USH2A: variants seen among roughly 807,000 people sequenced by gnomAD.
The protein encoded by USH2A is Usher syndrome 2A (autosomal recessive, mild).
In USH2A, 443 loss-of-function variants were observed where a neutral mutation model predicts 538.9. That is an observed-to-expected ratio of 0.82 (90% CI 0.76 to 0.89). The LOEUF is 0.89. Ranked by LOEUF, USH2A falls within the 40% of genes least tolerant of loss-of-function variation. The pLI is 0.00. For synonymous variants in USH2A, 2,413 were observed against 2,273.5 expected, an observed-to-expected ratio of 1.06 and a Z score of -1.75; for missense variants, 6,633 against 6,324.8, an observed-to-expected ratio of 1.05 and a Z score of -1.65.
chr1:216,280,068 G>A (rs747158151), intron 11 of USH2A, among the ~76,000 whole-genome samples: 1 of 151,664 alleles, frequency 6.6e-6, no homozygotes, highest in South Asian at 2.1e-4. Context: ...CTCCAGATAT[G>A]TCAAAGTACA....
At chr1:216,056,983 A>T (rs2030998523) in intron 30 of USH2A, among the ~76,000 whole-genome samples, 1 of 152,216 alleles carries the variant, frequency 6.6e-6, no homozygotes, top group Admixed American at 6.5e-5. Flanking sequence ...TTTGTATTGA[A>T]TGTTTATAAG....
intron 32 of USH2A, among the ~76,000 whole-genome samples, chr1:216,016,847 T>C (rs952931688): frequency 1.4e-5 from 2 of 139,092 alleles, no homozygotes; most frequent in Non-Finnish European, 3.1e-5. Flanking sequence ...AGTCACTACT[T>C]TGTGTGTGTG....
chr1:216,028,385 T>A (rs1168336403), intron 32 of USH2A, among the ~76,000 whole-genome samples: 5 of 151,434 alleles, frequency 3.3e-5, no homozygotes, highest in African/African-American at 9.8e-5. Context: ...AGACCCTGTC[T>A]CAATAAATAA....
At chr1:215,839,391 T>A (rs1663615356) in intron 46 of USH2A, among the ~76,000 whole-genome samples, 1 of 152,212 alleles carries the variant, frequency 6.6e-6, no homozygotes, top group Non-Finnish European at 1.5e-5. Flanking sequence ...TATTGATTCC[T>A]CATAACTCCA....
intron 11 of USH2A, among the ~76,000 whole-genome samples, chr1:216,255,412 T>A (rs1209819692): frequency 6.6e-6 from 1 of 152,216 alleles, no homozygotes; most frequent in East Asian, 1.9e-4. Flanking sequence ...ATCTCACAAT[T>A]TTGTTATGCT....
intron 61 of USH2A, among the ~76,000 whole-genome samples, chr1:215,716,421 C>T (rs543760190): frequency 6.6e-6 from 1 of 152,296 alleles, no homozygotes; most frequent in South Asian, 2.1e-4. Context: ...AATCTCAGCT[C>T]AGCAAGAGAT....
At chr1:216,045,253 G>C (rs958975157) in intron 32 of USH2A, among the ~76,000 whole-genome samples, 1 of 152,036 alleles carries the variant, frequency 6.6e-6, no homozygotes, top group Admixed American at 6.6e-5. Flanking sequence ...GTCACATACA[G>C]TATATAAAAT....
intron 61 of USH2A, among the ~76,000 whole-genome samples, chr1:215,719,567 G>C (rs1478339507): frequency 6.6e-6 from 1 of 152,136 alleles, no homozygotes; most frequent in Non-Finnish European, 1.5e-5. Context: ...GACCAAATTA[G>C]TACAGTTGCC....
intron 60 of USH2A, among the ~76,000 whole-genome samples, chr1:215,739,493 C>T (rs1430081989): frequency 6.6e-6 from 1 of 152,144 alleles, no homozygotes; most frequent in Non-Finnish European, 1.5e-5. Flanking sequence ...ACTCTATTTC[C>T]CTTTATTCTG....
At chr1:215,772,362 T>G (rs548522501) in intron 55 of USH2A, among the ~76,000 whole-genome samples, 1 of 152,258 alleles carries the variant, frequency 6.6e-6, no homozygotes, top group East Asian at 1.9e-4. Flanking sequence ...ATAGCACTTG[T>G]AGAGTACAGA....
At chr1:216,196,475 G>A in intron 19 of USH2A, 78 bp downstream of exon 19, 1 of 1,545,268 alleles carries the variant, frequency 6.5e-7, no homozygotes, top group Non-Finnish European at 8.9e-7. Flanking sequence ...TTCTGTCACA[G>A]AATTCTGCAA....
rs555096990 is a variant in USH2A at position 215,756,668 on chromosome 1, G to A, written c.11389+1927C>T. 4.6e-5 allele frequency among the ~76,000 whole-genome samples: 7 copies of A among 152,258 alleles called. No individual in the cohort carries two copies. In the South Asian group the frequency reaches 6.2e-4, roughly 14 times the overall value. ...TGGCCAGGTGCAGTGGCTCATGCCC[G>A]TAATCCCAGCACTTTGGGAGGCCAA... On this transcript the variant is annotated intron_variant, in intron 58 of 71. Coordinates refer to ENST00000307340, the MANE Select transcript of USH2A (RefSeq NM_206933.4).
At chr1:215,837,040 T>G (rs1663552536) in intron 47 of USH2A, among the ~76,000 whole-genome samples, 1 of 152,088 alleles carries the variant, frequency 6.6e-6, no homozygotes, top group Non-Finnish European at 1.5e-5. Context: ...TATCATGTGT[T>G]TGATAGAAGA....
In USH2A at chr1:215,671,259, C is replaced by T; in HGVS notation, c.13846G>A (p.Gly4616Arg). 1 of 1,614,028 alleles carries T rather than the reference C, an allele frequency of 6.2e-7. No homozygotes were observed. The highest frequency in any genetic ancestry group is 8.5e-7 in the Non-Finnish European group (1 of 1,180,004). The change falls in exon 64 of 72, where the codon GGA becomes AGA. Residue 4616 changes from glycine to arginine, a missense_variant. Coordinates refer to ENST00000307340, the MANE Select transcript of USH2A (RefSeq NM_206933.4). The stretch of plus-strand genomic sequence containing the variant: ...AATGTCCAGTCACTTGATGCACATC[C>T]CAGGGTGGTGCACGCTTGAATTCGT... The part of the protein sequence containing the change: ...EIRIQACTTL[G>R]CASSDWTFIQ...
intron 20 of USH2A, among the ~76,000 whole-genome samples, chr1:216,175,972 C>CT (rs1558298966): frequency 6.6e-6 from 1 of 152,162 alleles, no homozygotes; most frequent in Non-Finnish European, 1.5e-5. Flanking sequence ...CAGCCAATGA[C>CT]TAGCACTAAA....
intron 49 of USH2A, among the ~76,000 whole-genome samples, chr1:215,802,926 C>T (rs1365795055): frequency 6.6e-6 from 1 of 152,028 alleles, no homozygotes; most frequent in South Asian, 2.1e-4. Flanking sequence ...AGACATTATT[C>T]GACCTTAAAA....
In USH2A at chr1:215,813,762, G is replaced by T; in HGVS notation, c.9713C>A (p.Ser3238Tyr). The change falls in exon 49 of 72, where the codon TCT becomes TAT. Residue 3238 changes from serine (S) to tyrosine (Y), a missense_variant. Coordinates refer to ENST00000307340, the MANE Select transcript of USH2A (RefSeq NM_206933.4). ...TGGTAGAATTCTAGCGTAATACCCAGAGCAGCACTGATGATTTGGTTGTGC... is the reference window on the plus strand; with the variant it reads ...TGGTAGAATTCTAGCGTAATACCCATAGCAGCACTGATGATTTGGTTGTGC... ...QEAQPNHQCC[S>Y]GYYARILPGE... The T allele has an allele frequency of 1.2e-6, 2 of 1,613,874 alleles. No individual in the cohort carries two copies. Among genetic ancestry groups the T allele is most frequent in the Non-Finnish European group, 1.7e-6 (2 of 1,179,846 alleles).
intron 44 of USH2A, among the ~76,000 whole-genome samples, chr1:215,865,759 GAC>G (rs374463648): frequency 1.3e-5 from 2 of 152,162 alleles, no homozygotes; most frequent in African/African-American, 4.8e-5. Flanking sequence ...ACCAGAGAAA[GAC>G]AGTTTTCTTT....
chr1:215,693,092 A>ATATG (rs371000210), intron 61 of USH2A, among the ~76,000 whole-genome samples: 95 of 131,666 alleles, frequency 7.2e-4, no homozygotes, highest in African/African-American at 2.3e-3. Flanking sequence ...ATATATATAT[A>ATATG]TGTGTGTGTG....
Sources: allele counts gnomAD v4.1 joint callset (sites outside exome capture counted in the v4.1 genomes callset), GRCh38; gene constraint gnomAD v4.1.1; transcripts MANE v1.5; gene names NCBI Gene and HGNC (gene_info 2026-07-23, HGNC 2026-07-21).